The following WDFY3 variants were observed in gnomAD, a reference collection of about 807,000 sequenced individuals.
The protein encoded by WDFY3 is WD repeat and FYVE domain containing 3.
Under a neutral mutation model 409.6 loss-of-function variants are expected in WDFY3, and 66 were observed. The observed-to-expected ratio is 0.16, with a 90% confidence interval of 0.13 to 0.20. WDFY3 has a LOEUF of 0.20. WDFY3 is among the 10% of genes least tolerant of loss of function. The probability of loss-of-function intolerance (pLI) is 1.00; values close to 1 mark genes in which losing one functional copy is unlikely to be tolerated. For missense variants in WDFY3, 3,031 were observed against 4,298.1 expected, an observed-to-expected ratio of 0.71 and a Z score of 8.24; for synonymous variants, 1,521 against 1,537.1, an observed-to-expected ratio of 0.99 and a Z score of 0.25.
chr4:84,750,884 C>G (rs2149292281), intron 36 of WDFY3, among the ~76,000 whole-genome samples: 1 of 152,310 alleles, frequency 6.6e-6, no homozygotes, highest in Non-Finnish European at 1.5e-5. Flanking sequence ...ACAAGTACAT[C>G]CTGGGCACCT....
chr4:84,758,556 C>A (rs1170180431), intron 32 of WDFY3, among the ~76,000 whole-genome samples: 1 of 152,094 alleles, frequency 6.6e-6, no homozygotes, highest in Non-Finnish European at 1.5e-5. Context: ...CAAAGATATC[C>A]ATATTTTTTT....
chr4:84,754,221 T>C (rs1741025667), intron 34 of WDFY3, among the ~76,000 whole-genome samples: 1 of 152,258 alleles, frequency 6.6e-6, no homozygotes, highest in East Asian at 1.9e-4. Context: ...TGCCCCATCG[T>C]GCATCATGCT....
intron 5 of WDFY3, 90 bp downstream of exon 5, chr4:84,849,811 AG>A (rs1758634171): frequency 6.5e-7 from 1 of 1,529,294 alleles, no homozygotes; most frequent in African/African-American, 1.4e-5. Flanking sequence ...GCTGAGAACA[AG>A]GTCTGTTTTC....
At chr4:84,749,480 T>C (rs1378844669) in intron 36 of WDFY3, among the ~76,000 whole-genome samples, 1 of 152,236 alleles carries the variant, frequency 6.6e-6, no homozygotes, top group Admixed American at 6.5e-5. Flanking sequence ...CCTTACTTAA[T>C]GTCATTGACA....
At chr4:84,910,986 C>G (rs984901787) in intron 2 of WDFY3, among the ~76,000 whole-genome samples, 32 of 151,858 alleles carry the variant, frequency 2.1e-4, no homozygotes, top group African/African-American at 7.5e-4. Context: ...TCCCAAAGTG[C>G]TGGGATTAGA....
At chr4:84,956,808 G>C (rs1774291078) in intron 1 of WDFY3, among the ~76,000 whole-genome samples, 1 of 151,936 alleles carries the variant, frequency 6.6e-6, no homozygotes, top group Non-Finnish European at 1.5e-5. Context: ...ATGATAAAAA[G>C]GGTTGTCTCC....
chr4:84,733,495 T>C lies in WDFY3; in HGVS notation c.7108A>G (p.Met2370Val), dbSNP rs1435907222. The C allele has an allele frequency of 6.2e-7, 1 of 1,613,994 alleles. No homozygotes were observed. ...CAGGGCCCTTCTGTCATCTCCAGCATCCACTTGTCGAGGTGGGAGCCGATG... is the reference window on the plus strand; with the variant it reads ...CAGGGCCCTTCTGTCATCTCCAGCACCCACTTGTCGAGGTGGGAGCCGATG... ...PPIGSHLDKW[M>V]LEMTEGPCRM... The change falls in exon 44 of 68, where the codon ATG becomes GTG. Residue 2370 changes from methionine to valine, a missense_variant. Physicochemically the swap from Met to Val is conservative, Grantham distance 21. Transcript: ENST00000295888.
At chr4:84,906,554 A>ACCTGTGGT (rs1767067270) in intron 2 of WDFY3, among the ~76,000 whole-genome samples, 1 of 152,162 alleles carries the variant, frequency 6.6e-6, no homozygotes, top group Admixed American at 6.5e-5. Context: ...ATCCACAGGA[A>ACCTGTGGT]ATTGGCTCCA....
At chr4:84,801,950 A>ATTT in intron 16 of WDFY3, 86 bp from the exon 17 acceptor site, 53 of 1,072,928 alleles carry the variant, frequency 4.9e-5, no homozygotes, top group East Asian at 5.9e-5. Context: ...TACCTTTTTA[A>ATTT]TTTTTTTTTT....
intron 6 of WDFY3, among the ~76,000 whole-genome samples, chr4:84,838,592 G>C (rs1756910236): frequency 6.6e-6 from 1 of 152,290 alleles, no homozygotes; most frequent in Admixed American, 6.5e-5. Context: ...CGGAACTAAT[G>C]CAATAGTAGG....
intron 16 of WDFY3, 114 bp downstream of exon 16, chr4:84,803,176 A>T: frequency 8.7e-7 from 1 of 1,155,280 alleles, no homozygotes; most frequent in Non-Finnish European, 1.1e-6. Flanking sequence ...CCCTTCAGCT[A>T]CTTTAGTATG....
Position 84,817,477 on chromosome 4 carries a change from T to C in WDFY3, c.1802A>G (p.Asn601Ser). The change falls in exon 13 of 68, where the codon AAT becomes AGT. Residue 601 changes from asparagine (N) to serine (S), a missense_variant. By Grantham distance (46) the Asn-to-Ser change is conservative. Transcript: ENST00000295888. ...MTIQQLVLSP[N>S]GDDDMGTLLG... is the part of the protein sequence containing the mutation. ...GAGAGTGCCCATGTCATCGTCCCCA[T>C]TTGGGGAGAGCACCAGCTGTTGGAT... is the stretch of plus-strand genomic sequence containing the variant. The C allele has an allele frequency of 3.7e-6, 6 of 1,613,720 alleles. No homozygotes were observed. The highest frequency in any genetic ancestry group is 4.2e-6 in the Non-Finnish European group (5 of 1,179,750).
At chr4:84,799,462 C>T (rs1011207281) in intron 17 of WDFY3, among the ~76,000 whole-genome samples, 1 of 152,002 alleles carries the variant, frequency 6.6e-6, no homozygotes, top group African/African-American at 2.4e-5. Context: ...ATGAGCCACA[C>T]TGCCTGGCCT....
intron 22 of WDFY3, among the ~76,000 whole-genome samples, chr4:84,788,725 CTTCT>C (rs1473416645): frequency 6.6e-6 from 1 of 152,198 alleles, no homozygotes; most frequent in Non-Finnish European, 1.5e-5. Context: ...GTCTTTGTTA[CTTCT>C]TTCAAGTGAT....
intron 2 of WDFY3, among the ~76,000 whole-genome samples, chr4:84,898,887 A>C (rs1209212221): frequency 6.6e-6 from 1 of 152,206 alleles, no homozygotes; most frequent in Non-Finnish European, 1.5e-5. Context: ...TTAACACCTA[A>C]GTTATCATCA....
rs1316731521 is a variant in WDFY3 at position 84,735,060 on chromosome 4, A to G, written c.6976T>C (p.Tyr2326His). ...GTCCTTACCTCCTGATATTCTTTAT[A>G]TTGTGTATCTACTAAGTCACGAACA... Reference protein sequence around the residue: ...AVVRDLVDTQYKEYQERQQNA... With the variant: ...AVVRDLVDTQHKEYQERQQNA... Residue 2326 changes from tyrosine (Y) to histidine (H), a missense_variant, in exon 43 of 68, where the codon TAT becomes CAT. Coordinates refer to ENST00000295888, the MANE Select transcript of WDFY3 (RefSeq NM_014991.6). 2 of 1,612,878 alleles carry G rather than the reference A, an allele frequency of 1.2e-6. No homozygotes were observed. The highest frequency in any genetic ancestry group is 2.2e-5 in the East Asian group (1 of 44,858).
intron 67 of WDFY3, among the ~76,000 whole-genome samples, chr4:84,675,431 T>A (rs1726109815): frequency 6.6e-6 from 1 of 152,164 alleles, no homozygotes. Flanking sequence ...GGAACACCTG[T>A]TTTGCCAGAC....
chr4:84,737,184 C>T lies in WDFY3; in HGVS notation c.6757G>A (p.Ala2253Thr). Reference protein sequence around the residue: ...AALKCWQNHLAHEKKCISRGE... With the variant: ...AALKCWQNHLTHEKKCISRGE... ...GTGGTATGATCTCTGTAGGCCTTACCCAAATGATTCTGCCAGCACTTCAGG... is the reference window on the plus strand; with the variant it reads ...GTGGTATGATCTCTGTAGGCCTTACTCAAATGATTCTGCCAGCACTTCAGG... The change falls in exon 41 of 68, where the codon GCC becomes ACC. Residue 2253 changes from alanine (A) to threonine (T), a missense_variant and splice_region_variant. This residue lies in a region of WDFY3 where 98 missense variants were observed against 194.9 expected (regional missense o/e 0.50). Transcript: ENST00000295888. The T allele has an allele frequency of 6.2e-7, 1 of 1,614,012 alleles. No individual in the cohort carries two copies. The highest frequency in any genetic ancestry group is 8.5e-7 in the Non-Finnish European group (1 of 1,180,016).
At chr4:84,685,659 T>C (rs1302204684) in intron 62 of WDFY3, among the ~76,000 whole-genome samples, 1 of 152,212 alleles carries the variant, frequency 6.6e-6, no homozygotes, top group Non-Finnish European at 1.5e-5. Context: ...AAAGGCAAAG[T>C]GGCTTTGGCC....
Sources: gnomAD v4.1 joint callset for allele counts (sites outside exome capture counted in the v4.1 genomes callset) on GRCh38, gnomAD v4.1.1 for gene constraint, gnomAD v4.1.1 regional missense constraint, MANE v1.5 for transcripts, NCBI Gene and HGNC (gene_info 2026-07-23, HGNC 2026-07-21) for gene names.